Variants in RAD9B observed in about 807,000 individuals in gnomAD.
The protein encoded by RAD9B is cell cycle checkpoint control protein RAD9B.
A neutral mutation model predicts 48.3 loss-of-function variants in RAD9B; 41 were observed. That is an observed-to-expected ratio of 0.85 (90% confidence interval 0.66 to 1.10). The LOEUF is 1.10. Ranked by LOEUF, RAD9B falls within the 50% of genes least tolerant of loss-of-function variation. The pLI is 0.00. For synonymous variants in RAD9B, 160 were observed against 157.9 expected, an observed-to-expected ratio of 1.01 and a Z score of -0.10; for missense variants, 444 against 485.1, an observed-to-expected ratio of 0.92 and a Z score of 0.80.
chr12:110,531,679 TA>T lies in RAD9B; in HGVS notation c.*1028del, dbSNP rs776577651. On this transcript the variant is annotated 3_prime_UTR_variant, in exon 11 of 11. Transcript: ENST00000409300. Reference sequence around the variant, plus strand: ...AAGACAGCCTGAGTTTGGAGTGGAATAAGGTGGAAGACAAATGTCTCTGTTC... The same window carrying T: ...AAGACAGCCTGAGTTTGGAGTGGAATAGGTGGAAGACAAATGTCTCTGTTC... 6.4e-7 allele frequency: 1 copy of T among 1,573,890 alleles called. No homozygotes were observed. Among genetic ancestry groups the T allele is most frequent in the Non-Finnish European group, 8.7e-7 (1 of 1,153,136 alleles).
At chr12:110,504,605 TC>T (rs1366145025) in intron 2 of RAD9B, among the ~76,000 whole-genome samples, 1 of 152,108 alleles carries the variant, frequency 6.6e-6, no homozygotes, top group Non-Finnish European at 1.5e-5. Context: ...AGTAATGGTT[TC>T]CCCGCTTAGA....
chr12:110,510,590 T>C (rs1423180836), intron 4 of RAD9B, among the ~76,000 whole-genome samples: 3 of 152,108 alleles, frequency 2.0e-5, no homozygotes, highest in Non-Finnish European at 2.9e-5. Context: ...GCCATCTCAG[T>C]TGTCCCAGTT....
At position 110,531,144 on chromosome 12, in the gene RAD9B, TAAGTAG is replaced by T. The variant is rs1385986257; in HGVS notation, c.*494_*499del. On this transcript the variant is annotated 3_prime_UTR_variant, in exon 11 of 11. Coordinates refer to ENST00000409300, the MANE Select transcript of RAD9B (RefSeq NM_001286535.2). ...CATTGTTTTTTATATTTTAAGACTT[TAAGTAG>T]AATAAACCCTGGAAAAAAGATCAAG... 2.0e-6 allele frequency: 2 copies of T among 994,650 alleles called. No individual in the cohort carries two copies. Among genetic ancestry groups the T allele is most frequent in the African/African-American group, 3.5e-5 (2 of 57,222 alleles). 61.6% of individuals were successfully genotyped at this position (994,650 alleles called of 1,614,324 possible). A position where few individuals can be genotyped will look rare whatever the true frequency, so the allele number is the denominator to read the frequency against.
chr12:110,505,686 C>G lies in RAD9B; in HGVS notation c.187C>G (p.Gln63Glu), dbSNP rs1053125306. The G allele has an allele frequency of 7.5e-6, 12 of 1,597,844 alleles. No homozygotes were observed. The highest frequency in any genetic ancestry group is 8.5e-6 in the Non-Finnish European group (10 of 1,171,464). Residue 63 changes from glutamine to glutamate, a missense_variant, in exon 3 of 11, where the codon CAG becomes GAG. Gln to Glu is a conservative substitution (Grantham distance 29, BLOSUM62 2). Transcript: ENST00000409300. Reference protein sequence around the residue: ...GCVLFSPVFFQHYQWSALVKM... With the variant: ...GCVLFSPVFFEHYQWSALVKM... ...TGTCCTGTTCTCTCCTGTGTTTTTTCAGCATTATCAATGGTCAGCTTTAGT... is the reference window on the plus strand; with the variant it reads ...TGTCCTGTTCTCTCCTGTGTTTTTTGAGCATTATCAATGGTCAGCTTTAGT...
intron 5 of RAD9B, 67 bp downstream of exon 5, chr12:110,512,945 TGCCCTAGA>T: frequency 1.3e-6 from 1 of 775,500 alleles, no homozygotes; most frequent in East Asian, 2.7e-5. Flanking sequence ...GAAGAATCAA[TGCCCTAGA>T]GCTTTTCAGT....
intron 6 of RAD9B, among the ~76,000 whole-genome samples, chr12:110,516,133 G>A (rs892994500): frequency 6.6e-6 from 1 of 152,050 alleles, no homozygotes; most frequent in African/African-American, 2.4e-5. Flanking sequence ...AGGCTAAGGT[G>A]GAAGGATTGC....
chr12:110,504,138 GTT>G (rs200389242), intron 2 of RAD9B, among the ~76,000 whole-genome samples: 3 of 139,450 alleles, frequency 2.2e-5, no homozygotes, highest in African/African-American at 5.2e-5. Flanking sequence ...GGCCTGCACT[GTT>G]TTTTTTTTTT....
At position 110,506,690 on chromosome 12, in the gene RAD9B, C is replaced by A. The variant is rs556695998; in HGVS notation, c.385C>A (p.His129Asn). 7 of 1,426,140 alleles carry A rather than the reference C, an allele frequency of 4.9e-6. No homozygotes were observed. Among genetic ancestry groups the A allele is most frequent in the Non-Finnish European group, 5.9e-6 (6 of 1,012,074 alleles). 88.3% of individuals were successfully genotyped at this position (1,426,140 alleles called of 1,614,324 possible). ...AGTAGTTATTCAATTCTTCTACAGA[C>A]ATGGTAGGTATAATTAAAAGTGGTT... Reference protein sequence around the residue: ...CKVVIQFFYRHGIKRTHNICF... With the variant: ...CKVVIQFFYRNGIKRTHNICF... The change falls in exon 4 of 11, where the codon CAT becomes AAT. Residue 129 changes from histidine (H) to asparagine (N), a missense_variant. His to Asn is a moderately conservative substitution (Grantham distance 68). Transcript: ENST00000409300.
chr12:110,527,577 G>A (rs542348781), intron 10 of RAD9B, among the ~76,000 whole-genome samples: 36 of 152,308 alleles, frequency 2.4e-4, no homozygotes, highest in Non-Finnish European at 4.3e-4. Context: ...GTGGTACTGT[G>A]CAGCTCCAAG....
chr12:110,505,780 T>C lies in RAD9B; in HGVS notation c.273+8T>C, dbSNP rs773529251. 4.6e-5 allele frequency: 74 copies of C among 1,609,820 alleles called. No homozygotes were observed. The highest frequency in any genetic ancestry group is 8.4e-5 in the Admixed American group (5 of 59,710). On this transcript the variant is annotated splice_region_variant and intron_variant, in intron 3 of 10. Transcript: ENST00000409300. ...TGCAAATTGGGAATGAAGGTAAATA[T>C]AAGTGGCCCTGGTTTTCTCTTATTC... is the stretch of plus-strand genomic sequence containing the variant.
chr12:110,528,317 G>T (rs757459743), intron 10 of RAD9B, among the ~76,000 whole-genome samples: 1 of 152,154 alleles, frequency 6.6e-6, no homozygotes, highest in Non-Finnish European at 1.5e-5. Context: ...TTGGTTATGG[G>T]GGTTAAGGAA....
At position 110,518,680 on chromosome 12, in the gene RAD9B, G is replaced by T; in HGVS notation, c.600G>T (p.Leu200Phe). 3 of 1,583,632 alleles carry T rather than the reference G, an allele frequency of 1.9e-6. No individual in the cohort carries two copies. In the South Asian group the frequency reaches 3.5e-5, roughly 18 times the overall value. The change falls in exon 7 of 11, where the codon TTG becomes TTT. Residue 200 changes from leucine (L) to phenylalanine (F), a missense_variant. Physicochemically the swap from Leu to Phe is conservative, Grantham distance 22. Transcript: ENST00000409300. ...TTTTCCCATAATATTAAACAGATTTGAGCAATGCTGTACACAGTGAGATGT... is the reference window on the plus strand; with the variant it reads ...TTTTCCCATAATATTAAACAGATTTTAGCAATGCTGTACACAGTGAGATGT... ...LKSSNEESMD[L>F]SNAVHSEMFV...
At chr12:110,506,161 C>T (rs1353242334) in intron 3 of RAD9B, among the ~76,000 whole-genome samples, 1 of 151,578 alleles carries the variant, frequency 6.6e-6, no homozygotes, top group African/African-American at 2.4e-5. Flanking sequence ...GCTGGGATTA[C>T]AGGCGTGAGC....
chr12:110,519,696 C>T, intron 8 of RAD9B, 98 bp from the exon 9 acceptor site: 3 of 1,384,166 alleles, frequency 2.2e-6, no homozygotes, highest in South Asian at 1.5e-5. Flanking sequence ...TTGGCCTCCC[C>T]TGTTTCTTTT....
rs139978236 is a variant in RAD9B, at chr12:110,511,454, A to G, written c.389-1325A>G. ...AACGTGGATGGAACTAGAGGTCACT[A>G]TGTTAAGTGAAATAAGCCAGGCATG... is the stretch of plus-strand genomic sequence containing the variant. On this transcript the variant is annotated intron_variant, in intron 4 of 10. Coordinates refer to ENST00000409300, the MANE Select transcript of RAD9B (RefSeq NM_001286535.2). 1.4e-3 allele frequency: 633 copies of G among 453,800 alleles called. 1 individual carries two copies. The highest frequency in any genetic ancestry group is 1.9e-3 in the Non-Finnish European group (422 of 225,782). The allele number at this position is 453,800 out of a possible 1,614,324, so 28.1% of individuals were successfully genotyped here.
chr12:110,516,915 T>G (rs534531051), intron 6 of RAD9B, among the ~76,000 whole-genome samples: 1 of 152,088 alleles, frequency 6.6e-6, no homozygotes, highest in Non-Finnish European at 1.5e-5. Flanking sequence ...ACAAAAAAAA[T>G]TTTTTAAGTC....
intron 10 of RAD9B, among the ~76,000 whole-genome samples, chr12:110,527,219 C>T (rs1040219146): frequency 1.3e-5 from 2 of 152,118 alleles, no homozygotes; most frequent in African/African-American, 4.8e-5. Flanking sequence ...CAGCAACGGC[C>T]GTTTTTTCCA....
At chr12:110,530,037 G>A (rs1487708525) in intron 10 of RAD9B, among the ~76,000 whole-genome samples, 1 of 152,044 alleles carries the variant, frequency 6.6e-6, no homozygotes, top group Non-Finnish European at 1.5e-5. Context: ...GCAGGGAAAG[G>A]TTTGTTTTTT....
At chr12:110,518,836 T>A in intron 7 of RAD9B, 38 bp from the exon 8 acceptor site, 1 of 1,572,152 alleles carries the variant, frequency 6.4e-7, no homozygotes, top group East Asian at 2.3e-5. Flanking sequence ...TAAGTTTTTA[T>A]AAGGATTTTA....
Sources: allele counts gnomAD v4.1 joint callset (sites outside exome capture counted in the v4.1 genomes callset), GRCh38; gene constraint gnomAD v4.1.1; transcripts MANE v1.5; gene names NCBI Gene and HGNC (gene_info 2026-07-23, HGNC 2026-07-21).